Variants in KIAA2012 observed in about 807,000 individuals in gnomAD.
KIAA2012 encodes the protein uncharacterized protein KIAA2012.
A neutral mutation model predicts 150.6 loss-of-function variants in KIAA2012; 125 were observed. That is an observed-to-expected ratio of 0.83 (90% CI 0.72 to 0.96). The LOEUF (loss-of-function observed/expected upper bound fraction) is 0.96. Ranked by LOEUF, KIAA2012 falls within the 40% of genes least tolerant of loss-of-function variation. The pLI is 0.00. For missense variants in KIAA2012, 1,219 were observed against 1,354.9 expected (o/e 0.90, Z 1.57); for synonymous variants, 462 against 504.7 (o/e 0.92, Z 1.13).
intron 13 of KIAA2012, among the ~76,000 whole-genome samples, chr2:202,149,777 C>T (rs985609627): frequency 9.2e-5 from 14 of 152,142 alleles, no homozygotes; most frequent in African/African-American, 3.1e-4. Context: ...ATTTCATCTC[C>T]TTCTTAAGGT....
At position 202,196,333 on chromosome 2, in the gene KIAA2012, T is replaced by C. The variant is rs933871647; in HGVS notation, c.3188-467T>C. 5.9e-4 allele frequency among the ~76,000 whole-genome samples: 89 copies of C among 151,800 alleles called. 6 individuals are homozygous for C. The highest frequency in any genetic ancestry group is 2.0e-4 in the Admixed American group (3 of 15,200). On this transcript the variant is annotated intron_variant, in intron 21 of 23. Transcript: ENST00000498697. ...CCTCAGCCTCCCGAGTAGCTGGGAC[T>C]ACAGGCGCCTGCCACCACGCCCCGC...
chr2:202,133,109 A>T (rs865889699), intron 12 of KIAA2012, among the ~76,000 whole-genome samples: 957 of 87,878 alleles, frequency 0.011, 32 homozygotes, highest in Non-Finnish European at 0.015. Flanking sequence ...TCTAAAAAAA[A>T]ATATATATAT....
In KIAA2012 at chr2:202,073,621, G is replaced by A. The variant is rs1260342873; in HGVS notation, c.-7G>A. On this transcript the variant is annotated 5_prime_UTR_variant, in exon 1 of 24. Transcript: ENST00000498697. ...CTGCCCTTGAGAAGGGGTGGTCAGAGGGAAACATGTTCACGCTCTCCCTCC... is the reference window on the plus strand; with the variant it reads ...CTGCCCTTGAGAAGGGGTGGTCAGAAGGAAACATGTTCACGCTCTCCCTCC... 13 of 1,550,202 alleles carry A rather than the reference G, an allele frequency of 8.4e-6. No individual in the cohort carries two copies. The highest frequency in any genetic ancestry group is 1.4e-5 in the African/African-American group (1 of 73,156).
At position 202,117,720 on chromosome 2, in the gene KIAA2012, G is replaced by T. The variant is rs143939838; in HGVS notation, c.1762+4274G>T. Among the ~76,000 whole-genome samples the T allele has an allele frequency of 1.1e-3, 162 of 152,258 alleles. 1 individual carries two copies. Among genetic ancestry groups the T allele is most frequent in the African/African-American group, 3.7e-3 (155 of 41,536 alleles). ...CTCCAATTCCTCAGAAGGTTAACAG[G>T]CATTGTGTAAAAAAGGAAAGGTTCT... On this transcript the variant is annotated intron_variant, in intron 11 of 23. Transcript: ENST00000498697.
intron 15 of KIAA2012, chr2:202,179,188 T>G: frequency 1.7e-6 from 1 of 577,704 alleles, no homozygotes; most frequent in Non-Finnish European, 3.2e-6. Flanking sequence ...GACCAGCATC[T>G]GTGTCTATCT....
chr2:202,107,906 G>C (rs1690242559), intron 9 of KIAA2012, among the ~76,000 whole-genome samples: 1 of 152,166 alleles, frequency 6.6e-6, no homozygotes, highest in South Asian at 2.1e-4. Context: ...CTACTCTGGA[G>C]GCTGAGGCAC....
Position 202,190,394 on chromosome 2 carries a change from C to T in KIAA2012, c.2712C>T (p.Ser904=). 6.4e-7 allele frequency: 1 copy of T among 1,550,586 alleles called. No individual in the cohort carries two copies. Among genetic ancestry groups the T allele is most frequent in the East Asian group, 2.4e-5 (1 of 40,920 alleles). ...WLSPKYDAQE[S]QVSLDGRSSP... is the part of the protein sequence containing the mutation. Reference sequence around the variant, plus strand: ...CTCCCAAATATGATGCCCAGGAAAGCCAAGTTTCTCTAGATGGAAGATCAT... The same window carrying T: ...CTCCCAAATATGATGCCCAGGAAAGTCAAGTTTCTCTAGATGGAAGATCAT... Residue 904 remains serine, a synonymous_variant, in exon 19 of 24, where the codon AGC becomes AGT. Coordinates refer to ENST00000498697, the MANE Select transcript of KIAA2012 (RefSeq NM_001277372.4).
Position 202,109,673 on chromosome 2 carries a change from G to GA in KIAA2012, c.1543dup (p.Ser515LysfsTer3), listed in dbSNP as rs1056854543. 9.9e-5 allele frequency: 154 copies of GA among 1,548,740 alleles called. No individual in the cohort carries two copies. Among genetic ancestry groups the GA allele is most frequent in the Non-Finnish European group, 1.3e-4 (147 of 1,146,010 alleles). Reference sequence around the variant, plus strand: ...TTGGATCTTCTACCCCCGATTAAAGGAAAAAAAAGTCCTGAGAGCCAGAAG... The same window carrying GA: ...TTGGATCTTCTACCCCCGATTAAAGGAAAAAAAAAGTCCTGAGAGCCAGAAG... On this transcript the variant is annotated frameshift_variant, in exon 10 of 24. Transcript: ENST00000498697. LOFTEE classifies it high-confidence loss of function.
intron 15 of KIAA2012, among the ~76,000 whole-genome samples, chr2:202,183,920 A>G (rs750943712): frequency 2.0e-5 from 3 of 152,222 alleles, no homozygotes; most frequent in Non-Finnish European, 2.9e-5. Context: ...ATATCCGTCC[A>G]GATTTTATAG....
intron 12 of KIAA2012, among the ~76,000 whole-genome samples, chr2:202,127,495 C>T (rs1021465291): frequency 6.6e-6 from 1 of 152,062 alleles, no homozygotes; most frequent in Non-Finnish European, 1.5e-5. Flanking sequence ...TATGCCTGGC[C>T]CATGGAGTGC....
intron 2 of KIAA2012, among the ~76,000 whole-genome samples, chr2:202,087,142 AAG>A (rs1424205072): frequency 3.2e-4 from 49 of 152,248 alleles, no homozygotes; most frequent in Non-Finnish European, 6.0e-4. Context: ...TTTGCACTAC[AAG>A]GACAGGTTGA....
At chr2:202,191,253 G>A (rs1692323259) in intron 19 of KIAA2012, among the ~76,000 whole-genome samples, 1 of 151,898 alleles carries the variant, frequency 6.6e-6, no homozygotes, top group Non-Finnish European at 1.5e-5. Flanking sequence ...CTCCAACCTG[G>A]GCGACAGAGA....
At chr2:202,190,599 C>T (rs1692312049) in intron 19 of KIAA2012, 106 bp downstream of exon 19, 1 of 814,610 alleles carries the variant, frequency 1.2e-6, no homozygotes, top group Admixed American at 3.0e-5. Flanking sequence ...ACTAAAACAG[C>T]TCGACCACCT....
chr2:202,200,695 AT>A (rs1692501054), intron 22 of KIAA2012, among the ~76,000 whole-genome samples: 1 of 135,642 alleles, frequency 7.4e-6, no homozygotes, highest in Non-Finnish European at 1.5e-5. Flanking sequence ...ACCAATCAGA[AT>A]AATTTTGGAA....
rs1343176618 is a variant in KIAA2012, at chr2:202,109,599, T to C, written c.1475-14T>C. On this transcript the variant is annotated splice_polypyrimidine_tract_variant and intron_variant, in intron 9 of 23. Transcript: ENST00000498697. Reference sequence around the variant, plus strand: ...GTTTTCTCACACAGGCTTTTTCCCCTTTTGTTTTTAAAGATGATGATGCCC... The same window carrying C: ...GTTTTCTCACACAGGCTTTTTCCCCCTTTGTTTTTAAAGATGATGATGCCC... 4 of 1,510,130 alleles carry C rather than the reference T, an allele frequency of 2.6e-6. No homozygotes were observed. The African/African-American group carries it at 4.2e-5, about 16-fold the overall frequency. 93.5% of individuals were successfully genotyped at this position (1,510,130 alleles called of 1,614,324 possible).
chr2:202,166,521 CA>C (rs1305769033), intron 15 of KIAA2012, among the ~76,000 whole-genome samples: 2 of 151,946 alleles, frequency 1.3e-5, no homozygotes, highest in Non-Finnish European at 2.9e-5. Context: ...GGCATGGTAG[CA>C]CATGCCTGTA....
chr2:202,109,175 T>C (rs368810173), intron 9 of KIAA2012, among the ~76,000 whole-genome samples: 4 of 152,194 alleles, frequency 2.6e-5, no homozygotes, highest in African/African-American at 7.2e-5. Context: ...TCTCATCAGC[T>C]CTAAAGCTGG....
At chr2:202,184,693 T>C in intron 15 of KIAA2012, 60 bp from the exon 16 acceptor site, 2 of 1,217,340 alleles carry the variant, frequency 1.6e-6, no homozygotes, top group Non-Finnish European at 2.2e-6. Flanking sequence ...TTTCCATGTC[T>C]GATCTCCTCC....
intron 21 of KIAA2012, among the ~76,000 whole-genome samples, chr2:202,195,539 G>GA (rs1692397962): frequency 6.6e-6 from 1 of 151,486 alleles, no homozygotes; most frequent in East Asian, 1.9e-4. Context: ...AAAGAAAAAA[G>GA]AAAAAAACTG....
Sources: gnomAD v4.1 joint callset for allele counts (sites outside exome capture counted in the v4.1 genomes callset) on GRCh38, gnomAD v4.1.1 for gene constraint, MANE v1.5 for transcripts, NCBI Gene and HGNC (gene_info 2026-07-23, HGNC 2026-07-21) for gene names.